WAC: variants seen among roughly 807,000 people sequenced by gnomAD.
WAC encodes the protein WW domain-containing adapter protein with coiled-coil.
WAC carries 11 observed loss-of-function variants against 79.6 expected under a neutral mutation model. The ratio of observed to expected loss-of-function variants is 0.14; its 90% CI spans 0.09 to 0.23. The LOEUF is 0.23. WAC is among the 10% of genes least tolerant of loss of function. The pLI is 1.00. For synonymous variants in WAC, 304 were observed against 276.9 expected, an observed-to-expected ratio of 1.10 and a Z score of -0.97; for missense variants, 728 against 773.5, an observed-to-expected ratio of 0.94 and a Z score of 0.70.
At chr10:28,565,298 A>G (rs1192959720) in intron 3 of WAC, among the ~76,000 whole-genome samples, 1 of 152,242 alleles carries the variant, frequency 6.6e-6, no homozygotes, top group Non-Finnish European at 1.5e-5. Flanking sequence ...TGTGAACATA[A>G]CTTTTTGTAT....
intron 3 of WAC, among the ~76,000 whole-genome samples, chr10:28,581,149 T>A: frequency 6.6e-6 from 1 of 151,662 alleles, no homozygotes; most frequent in East Asian, 1.9e-4. Flanking sequence ...TTGCCTTGCA[T>A]GTACCAAAAT....
intron 3 of WAC, chr10:28,538,126 A>C (rs1836783122): frequency 6.4e-6 from 1 of 157,236 alleles, no homozygotes; most frequent in Admixed American, 6.5e-5. Flanking sequence ...AAAAAACGTA[A>C]AATGGTGATT....
chr10:28,575,361 A>G (rs1839188526), intron 3 of WAC, among the ~76,000 whole-genome samples: 1 of 152,078 alleles, frequency 6.6e-6, no homozygotes, highest in Non-Finnish European at 1.5e-5. Flanking sequence ...GTTCTTTTTT[A>G]TGGCTACAGA....
intron 7 of WAC, among the ~76,000 whole-genome samples, chr10:28,597,496 T>C (rs117606087): frequency 2.6e-3 from 401 of 152,328 alleles, no homozygotes; most frequent in Non-Finnish European, 4.2e-3. Flanking sequence ...GCTTCTGTGA[T>C]ACTACACTCC....
At chr10:28,555,031 G>A (rs950365956) in intron 3 of WAC, among the ~76,000 whole-genome samples, 3 of 152,168 alleles carry the variant, frequency 2.0e-5, no homozygotes, top group African/African-American at 7.2e-5. Flanking sequence ...ACAGAATTGT[G>A]TGTTTTCCCC....
chr10:28,600,974 A>G (rs1840614822), intron 7 of WAC, among the ~76,000 whole-genome samples: 1 of 152,100 alleles, frequency 6.6e-6, no homozygotes, highest in Admixed American at 6.5e-5. Flanking sequence ...AAATTTAAGA[A>G]CTAAAACACC....
rs201563144 is a variant in WAC at position 28,610,855 on chromosome 10, G to A, written c.1288+34G>A. The A allele has an allele frequency of 2.6e-6, 4 of 1,527,626 alleles. No homozygotes were observed. The African/African-American group carries it at 4.3e-5, about 16-fold the overall frequency. The allele number at this position is 1,527,626 out of a possible 1,614,324, so 94.6% of individuals were successfully genotyped here. On this transcript the variant is annotated intron_variant, in intron 9 of 13. Transcript: ENST00000354911. ...ACTCATCTTAGATATCTCTAGAATG[G>A]CATCTTGATTTTGTTTTGGAATTAA...
intron 13 of WAC, chr10:28,618,052 GACC>G (rs1250475107): frequency 8.5e-6 from 2 of 235,178 alleles, no homozygotes; most frequent in South Asian, 6.6e-5. Flanking sequence ...ATGAAATATT[GACC>G]ACAACTAATT....
At chr10:28,611,533 G>A (rs561463781) in intron 9 of WAC, 29 of 1,381,708 alleles carry the variant, frequency 2.1e-5, no homozygotes, top group Middle Eastern at 2.0e-4. Context: ...TCCTGTTCCA[G>A]CCACATAAAG....
intron 9 of WAC, 71 bp from the exon 10 acceptor site, chr10:28,611,703 T>C (rs534537245): frequency 6.4e-6 from 10 of 1,553,110 alleles, no homozygotes; most frequent in South Asian, 6.1e-5. Flanking sequence ...TTGCCACATA[T>C]ATTACAAAGG....
chr10:28,546,556 A>C (rs898154980), intron 3 of WAC, among the ~76,000 whole-genome samples: 1 of 152,212 alleles, frequency 6.6e-6, no homozygotes, highest in Non-Finnish European at 1.5e-5. Context: ...CGCAGTTATG[A>C]TACTTTGATT....
At chr10:28,616,135 A>G (rs1841456582) in intron 11 of WAC, 38 bp from the exon 12 acceptor site, 3 of 1,475,242 alleles carry the variant, frequency 2.0e-6, no homozygotes, top group Non-Finnish European at 2.7e-6. Flanking sequence ...CCCAGAAACT[A>G]CTTTTAAACA....
Position 28,583,506 on chromosome 10 carries a change from G to A in WAC, c.381+1G>A. 1 of 1,489,110 alleles carries A rather than the reference G, an allele frequency of 6.7e-7. No homozygotes were observed. 92.2% of individuals were successfully genotyped at this position (1,489,110 alleles called of 1,614,324 possible). ...TAACCCAAGCAAAACTTCAGATGCAGTAAGTATTATAAACATGTCCAATAT... is the reference window on the plus strand; with the variant it reads ...TAACCCAAGCAAAACTTCAGATGCAATAAGTATTATAAACATGTCCAATAT... On this transcript the variant is annotated splice_donor_variant, in intron 4 of 13. Transcript: ENST00000354911. LOFTEE classifies it high-confidence loss of function.
At chr10:28,536,482 T>C (rs1331308700) in intron 3 of WAC, among the ~76,000 whole-genome samples, 15 of 152,222 alleles carry the variant, frequency 9.9e-5, no homozygotes, top group Admixed American at 3.9e-4. Context: ...TAAAAACTCA[T>C]TATGTTTTTT....
At chr10:28,574,809 T>C (rs543382946) in intron 3 of WAC, among the ~76,000 whole-genome samples, 1 of 152,334 alleles carries the variant, frequency 6.6e-6, no homozygotes, top group Admixed American at 6.5e-5. Context: ...CTTCTGAATA[T>C]GTACCTAGGC....
chr10:28,546,329 AC>A (rs1313222560), intron 3 of WAC, among the ~76,000 whole-genome samples: 1 of 152,200 alleles, frequency 6.6e-6, no homozygotes, highest in African/African-American at 2.4e-5. Context: ...ATTTGTTCTA[AC>A]TTCATAGAAT....
chr10:28,534,104 C>T (rs1049542490), intron 2 of WAC, 70 bp downstream of exon 2: 10 of 1,466,278 alleles, frequency 6.8e-6, no homozygotes, highest in Non-Finnish European at 9.1e-6. Flanking sequence ...GCTACTCGAG[C>T]GCAGGCCTCA....
intron 7 of WAC, among the ~76,000 whole-genome samples, chr10:28,604,034 T>A (rs1011525380): frequency 2.1e-5 from 3 of 146,248 alleles, no homozygotes; most frequent in Admixed American, 1.4e-4. Flanking sequence ...TGATTTTTTT[T>A]AAGTTATTCC....
chr10:28,606,920 T>G (rs903764625), intron 7 of WAC, among the ~76,000 whole-genome samples: 1 of 152,240 alleles, frequency 6.6e-6, no homozygotes, highest in Non-Finnish European at 1.5e-5. Flanking sequence ...ATGTTCTCAT[T>G]ACTCTTTGCC....
Sources: allele counts gnomAD v4.1 joint callset (sites outside exome capture counted in the v4.1 genomes callset), GRCh38; gene constraint gnomAD v4.1.1; transcripts MANE v1.5; gene names NCBI Gene and HGNC (gene_info 2026-07-23, HGNC 2026-07-21).